Variants in CHD5 observed in about 807,000 individuals in gnomAD.
CHD5 encodes ATP-dependent chromatin remodeler CHD5.
Under a neutral mutation model 230.3 loss-of-function variants are expected in CHD5, and 69 were observed. That is an observed-to-expected ratio of 0.30 (90% CI 0.25 to 0.37). CHD5 has a LOEUF of 0.37. CHD5 is among the 10% of genes least tolerant of loss of function. The probability of loss-of-function intolerance (pLI) is 1.00; values close to 1 mark genes in which losing one functional copy is unlikely to be tolerated. For missense variants in CHD5, 1,827 were observed against 2,622.8 expected (o/e 0.70, Z 6.63); for synonymous variants, 1,064 against 1,065.9 (o/e 1.00, Z 0.03).
In CHD5 at chr1:6,126,499, A is replaced by T. The variant is rs1430813646; in HGVS notation, c.4078+73T>A. 8.8e-7 allele frequency: 1 copy of T among 1,140,072 alleles called. No homozygotes were observed. Among genetic ancestry groups the T allele is most frequent in the African/African-American group, 1.5e-5 (1 of 65,634 alleles). 70.6% of individuals were successfully genotyped at this position (1,140,072 alleles called of 1,614,324 possible). On this transcript the variant is annotated intron_variant, in intron 26 of 41. Coordinates refer to ENST00000262450, the MANE Select transcript of CHD5 (RefSeq NM_015557.3). This position sits in a 1 kb window ranked among gnomAD's most constrained non-coding sequence, Gnocchi z 5.7. ...CACCTCCCGGGGGTTCTGCACAGGG[A>T]TGCCCTGACAGAATCCTGCCCCACC... is the stretch of plus-strand genomic sequence containing the variant.
intron 3 of CHD5, among the ~76,000 whole-genome samples, chr1:6,156,654 G>C (rs1232507590): frequency 6.6e-6 from 1 of 152,218 alleles, no homozygotes; most frequent in African/African-American, 2.4e-5. Context: ...GCACTCTGCT[G>C]GGGCAGGGGC....
intron 1 of CHD5, among the ~76,000 whole-genome samples, chr1:6,169,235 A>T (rs1334298807): frequency 1.3e-5 from 2 of 151,918 alleles, no homozygotes; most frequent in Admixed American, 1.3e-4. Context: ...ACAGGTCCGC[A>T]CTCCCCCACC....
In CHD5 at chr1:6,121,104, C is replaced by T; in HGVS notation, c.4912+1G>A. 6.3e-7 allele frequency: 1 copy of T among 1,592,242 alleles called. No individual in the cohort carries two copies. The highest frequency in any genetic ancestry group is 8.5e-7 in the Non-Finnish European group (1 of 1,170,564). ...GTGGGTGGCCTGCAAGAAGCCCCAA[C>T]CTCTCGGCAGCTGCTCCGGGGAGGG... On this transcript the variant is annotated splice_donor_variant, in intron 33 of 41. Transcript: ENST00000262450. LOFTEE classifies it high-confidence loss of function. The surrounding 1 kb of genome is among the most constrained non-coding windows in gnomAD (Gnocchi z 4.5).
chr1:6,159,623 A>G (rs1667135834), intron 2 of CHD5, 108 bp from the exon 3 acceptor site: 2 of 831,828 alleles, frequency 2.4e-6, no homozygotes, highest in South Asian at 1.7e-5. Flanking sequence ...CTGGGGATCG[A>G]CCGATCCCCA....
At chr1:6,149,855 TGATGGATG>T (rs144731627) in intron 7 of CHD5, among the ~76,000 whole-genome samples, 2 of 148,756 alleles carry the variant, frequency 1.3e-5, no homozygotes, top group African/African-American at 2.5e-5. Context: ...AATGGACGGA[TGATGGATG>T]GATGGATGGA....
At position 6,125,303 on chromosome 1, in the gene CHD5, G is replaced by A. The variant is rs1666537432; in HGVS notation, c.4261-70C>T. 2.7e-6 allele frequency: 4 copies of A among 1,482,034 alleles called. No homozygotes were observed. The highest frequency in any genetic ancestry group is 2.5e-5 in the South Asian group (2 of 80,134). The allele number at this position is 1,482,034 out of a possible 1,614,324, so 91.8% of individuals were successfully genotyped here. A position where few individuals can be genotyped will look rare whatever the true frequency, so the allele number is the denominator to read the frequency against. On this transcript the variant is annotated intron_variant, in intron 28 of 41. Transcript: ENST00000262450. This position sits in a 1 kb window ranked among gnomAD's most constrained non-coding sequence, Gnocchi z 6.7. ...GTGGGGGTGGAGGATTCTGGGATGG[G>A]GGAAGAAAAGCATGGGAGGAGGAGA...
chr1:6,166,989 C>A (rs1019923616), intron 2 of CHD5, among the ~76,000 whole-genome samples: 2 of 152,176 alleles, frequency 1.3e-5, no homozygotes, highest in African/African-American at 4.8e-5. Context: ...CTAAGCTCTT[C>A]TGGCAGCCAC....
chr1:6,143,041 C>T (rs1666853883), intron 13 of CHD5, among the ~76,000 whole-genome samples: 1 of 148,086 alleles, frequency 6.8e-6, no homozygotes, highest in African/African-American at 2.5e-5. Context: ...ACAGGCTCCT[C>T]CACTGGATCC....
intron 7 of CHD5, 66 bp downstream of exon 7, chr1:6,150,966 G>A: frequency 2.8e-6 from 4 of 1,421,198 alleles, no homozygotes; most frequent in Non-Finnish European, 3.7e-6. Context: ...TCCAGATGGG[G>A]AGTCCTACTC....
At chr1:6,117,375 A>G (rs1425848072) in intron 33 of CHD5, among the ~76,000 whole-genome samples, 1 of 152,204 alleles carries the variant, frequency 6.6e-6, no homozygotes, top group Non-Finnish European at 1.5e-5. Flanking sequence ...GAAAGAAAAT[A>G]TTTGTAAATC....
chr1:6,168,381 A>G (rs1042350255), intron 1 of CHD5, 104 bp from the exon 2 acceptor site: 32 of 1,390,478 alleles, frequency 2.3e-5, no homozygotes, highest in South Asian at 7.5e-5. Flanking sequence ...CAGACACCCA[A>G]CTGTGCCAGG....
Position 6,126,860 on chromosome 1 carries a change from G to C in CHD5, c.3904-114C>G. The C allele has an allele frequency of 1.1e-6, 1 of 924,856 alleles. No individual in the cohort carries two copies. The highest frequency in any genetic ancestry group is 1.6e-6 in the Non-Finnish European group (1 of 610,568). 57.3% of individuals were successfully genotyped at this position (924,856 alleles called of 1,614,324 possible). A position where few individuals can be genotyped will look rare whatever the true frequency, so the allele number is the denominator to read the frequency against. Reference sequence around the variant, plus strand: ...CCCCCTCAGGGCTCAAGGATTAATGGGATGGCCTGCCTACTCCAGGAAGCC... The same window carrying C: ...CCCCCTCAGGGCTCAAGGATTAATGCGATGGCCTGCCTACTCCAGGAAGCC... On this transcript the variant is annotated intron_variant, in intron 25 of 41. Transcript: ENST00000262450. This position sits in a 1 kb window ranked among gnomAD's most constrained non-coding sequence, Gnocchi z 5.7.
chr1:6,142,727 C>T lies in CHD5; in HGVS notation c.2044-122G>A, dbSNP rs1044387766. 4.6e-6 allele frequency: 5 copies of T among 1,098,208 alleles called. No individual in the cohort carries two copies. The African/African-American group carries it at 4.7e-5, about 10-fold the overall frequency. 68.0% of individuals were successfully genotyped at this position (1,098,208 alleles called of 1,614,324 possible). A position where few individuals can be genotyped will look rare whatever the true frequency, so the allele number is the denominator to read the frequency against. On this transcript the variant is annotated intron_variant, in intron 13 of 41. Transcript: ENST00000262450. The surrounding 1 kb of genome is among the most constrained non-coding windows in gnomAD (Gnocchi z 5.2). Reference sequence around the variant, plus strand: ...ACTCTTCCCACTCCTGTCTGTCTTCCTAACTCTTCTCCAGTTCTTGGATGG... The same window carrying T: ...ACTCTTCCCACTCCTGTCTGTCTTCTTAACTCTTCTCCAGTTCTTGGATGG...
rs985880245 is a variant in CHD5 at position 6,147,021 on chromosome 1, C to T, written c.1384-150G>A. The stretch of plus-strand genomic sequence containing the variant: ...TACCACGGTGACGCCATGACATCCA[C>T]CCCGTCCCCAGGAGCCGCATGGGTC... On this transcript the variant is annotated intron_variant, in intron 9 of 41. Transcript: ENST00000262450. 1.6e-5 allele frequency: 10 copies of T among 638,600 alleles called. No individual in the cohort carries two copies. The East Asian group carries it at 2.6e-4, about 17-fold the overall frequency. 39.6% of individuals were successfully genotyped at this position (638,600 alleles called of 1,614,324 possible).
intron 31 of CHD5, among the ~76,000 whole-genome samples, chr1:6,122,224 T>C (rs1444819238): frequency 1.3e-5 from 2 of 152,204 alleles, no homozygotes; most frequent in East Asian, 1.9e-4. Context: ...GCCCCAGGCC[T>C]GTGAGGCCCA....
chr1:6,119,025 T>C (rs1449255401), intron 33 of CHD5, among the ~76,000 whole-genome samples: 1 of 150,448 alleles, frequency 6.6e-6, no homozygotes, highest in Non-Finnish European at 1.5e-5. Flanking sequence ...ATGGCTCAAC[T>C]GTATGATATG....
At chr1:6,124,414 G>A (rs528368945) in intron 30 of CHD5, 103 bp downstream of exon 30, 309 of 1,337,348 alleles carry the variant, frequency 2.3e-4, no homozygotes, top group Non-Finnish European at 3.0e-4. Flanking sequence ...GCAGCTGTGT[G>A]GCCTGAACCA....
At chr1:6,157,564 G>T (rs993648729) in intron 3 of CHD5, among the ~76,000 whole-genome samples, 14 of 152,214 alleles carry the variant, frequency 9.2e-5, no homozygotes, top group Non-Finnish European at 1.5e-5. Flanking sequence ...ACAGGAGGCT[G>T]CCCTGAGCGT....
At chr1:6,178,983 G>GT (rs923449703) in intron 1 of CHD5, among the ~76,000 whole-genome samples, 12 of 152,254 alleles carry the variant, frequency 7.9e-5, no homozygotes, top group African/African-American at 2.9e-4. Flanking sequence ...AAGCCGAGAA[G>GT]TAAGAGTCTC....
Sources: allele counts gnomAD v4.1 joint callset (sites outside exome capture counted in the v4.1 genomes callset), GRCh38; gene constraint gnomAD v4.1.1; non-coding constraint Gnocchi (gnomAD v3.1); transcripts MANE v1.5; gene names NCBI Gene and HGNC (gene_info 2026-07-23, HGNC 2026-07-21).